The following TLE4 variants were observed in gnomAD, a reference collection of about 807,000 sequenced individuals.
The protein encoded by TLE4 is transducin-like enhancer protein 4.
TLE4 carries 8 observed loss-of-function variants against 92.8 expected under a neutral mutation model. That is an observed-to-expected ratio of 0.09 (90% CI 0.05 to 0.16). TLE4 has a LOEUF of 0.16. Among genes scored for constraint, TLE4 ranks in the 10% least tolerant of loss-of-function variants. The pLI, the probability that TLE4 is intolerant of heterozygous loss-of-function variation, is 1.00. For synonymous variants in TLE4, 371 were observed against 374.1 expected (o/e 0.99, Z 0.10); for missense variants, 675 against 997.6 (o/e 0.68, Z 4.36).
At chr9:79,600,615 G>A (rs1000201479) in intron 4 of TLE4, among the ~76,000 whole-genome samples, 3 of 152,210 alleles carry the variant, frequency 2.0e-5, no homozygotes, top group Admixed American at 2.0e-4. Flanking sequence ...GAATCCGTAT[G>A]TGGAATCCCA....
rs1213527102 is a variant in TLE4, at chr9:79,572,660, G to C, written c.-131G>C. On this transcript the variant is annotated 5_prime_UTR_variant, in exon 1 of 20. Transcript: ENST00000376552. ...CCCGTGTCACGCGAGACCCGGCGGG[G>C]GCCGGGACCGCCCGAGCCGCCCCTC... 1.3e-6 allele frequency: 1 copy of C among 755,902 alleles called. No individual in the cohort carries two copies. The highest frequency in any genetic ancestry group is 2.0e-5 in the South Asian group (1 of 49,822). The allele number at this position is 755,902 out of a possible 1,614,324, so 46.8% of individuals were successfully genotyped here. A position where few individuals can be genotyped will look rare whatever the true frequency, so the allele number is the denominator to read the frequency against.
At position 79,612,681 on chromosome 9, in the gene TLE4, C is replaced by G. The variant is rs772338376; in HGVS notation, c.278C>G (p.Ala93Gly). 2 of 1,613,060 alleles carry G rather than the reference C, an allele frequency of 1.2e-6. No individual in the cohort carries two copies. Among genetic ancestry groups the G allele is most frequent in the Non-Finnish European group, 1.7e-6 (2 of 1,179,404 alleles). ...GCAGAGATTGTCAAGAGGCTGAATG[C>G]TATCTGTGCACAAGTCATTCCTTTC... ...KQAEIVKRLNAICAQVIPFLS... is the reference protein window; with the variant it reads ...KQAEIVKRLNGICAQVIPFLS... The change falls in exon 5 of 20, where the codon GCT (alanine) becomes GGT (glycine). Residue 93 changes from alanine (A) to glycine (G), a missense_variant. Around this residue, in one of 5 missense-constraint regions of TLE4, gnomAD observed 68 missense variants for 141.2 expected, o/e 0.48. Coordinates refer to ENST00000376552, the MANE Select transcript of TLE4 (RefSeq NM_007005.6).
chr9:79,700,994 A>G (rs1449252011), intron 8 of TLE4, among the ~76,000 whole-genome samples: 2 of 152,194 alleles, frequency 1.3e-5, no homozygotes, highest in Non-Finnish European at 2.9e-5. Context: ...TTGAGCTTTT[A>G]AAATAATAAT....
chr9:79,706,338 C>T (rs140540031), intron 10 of TLE4, among the ~76,000 whole-genome samples: 200 of 152,040 alleles, frequency 1.3e-3, no homozygotes, highest in Admixed American at 2.6e-3. Context: ...TCTAAAGGGA[C>T]CCACTTTTTA....
At chr9:79,708,363 A>C in intron 12 of TLE4, 113 bp downstream of exon 12, 1 of 1,313,774 alleles carries the variant, frequency 7.6e-7, no homozygotes, top group Non-Finnish European at 1.0e-6. Flanking sequence ...AATGGCTGTT[A>C]GACAAAGTTA....
chr9:79,665,012 G>T (rs996851214), intron 8 of TLE4, among the ~76,000 whole-genome samples: 2 of 152,094 alleles, frequency 1.3e-5, no homozygotes, highest in Non-Finnish European at 2.9e-5. Context: ...TTGTTAGGGT[G>T]AAAATTTCCT....
At chr9:79,710,960 G>A (rs1162495742) in intron 14 of TLE4, among the ~76,000 whole-genome samples, 1 of 152,038 alleles carries the variant, frequency 6.6e-6, no homozygotes, top group African/African-American at 2.4e-5. Context: ...CTTTCTTCTC[G>A]GACCTCCCAT....
chr9:79,698,673 C>T (rs1275512917), intron 8 of TLE4, among the ~76,000 whole-genome samples: 1 of 151,988 alleles, frequency 6.6e-6, no homozygotes, highest in Non-Finnish European at 1.5e-5. Flanking sequence ...AAACTGACAC[C>T]AGTGACTGGC....
At chr9:79,605,947 A>G (rs901692675) in intron 4 of TLE4, among the ~76,000 whole-genome samples, 1 of 152,060 alleles carries the variant, frequency 6.6e-6, no homozygotes, top group Non-Finnish European at 1.5e-5. Context: ...GAAGGGAGGT[A>G]TGGGGGTTGT....
chr9:79,684,470 AAT>A, intron 8 of TLE4, among the ~76,000 whole-genome samples: 1 of 39,336 alleles, frequency 2.5e-5, no homozygotes, highest in South Asian at 2.1e-3. Flanking sequence ...TGAACTGTGC[AAT>A]GCAGGGATCT....
At chr9:79,665,167 T>A (rs191667426) in intron 8 of TLE4, among the ~76,000 whole-genome samples, 79 of 152,326 alleles carry the variant, frequency 5.2e-4, no homozygotes, top group Admixed American at 1.5e-3. Context: ...GCTGAGAGAT[T>A]TTTCTGATTT....
rs1394894137 is a variant in TLE4 at position 79,685,974 on chromosome 9, GA to G, written c.610-18801del. 2.7e-5 allele frequency among the ~76,000 whole-genome samples: 4 copies of G among 150,824 alleles called. No homozygotes were observed. In the East Asian group the frequency reaches 7.8e-4, roughly 29 times the overall value. On this transcript the variant is annotated intron_variant, in intron 8 of 19. Coordinates refer to ENST00000376552, the MANE Select transcript of TLE4 (RefSeq NM_007005.6). ...ACTAACCACAGATTGAAAGTATTTG[GA>G]AAAAAAATACAATAAAAAGTTCAAA...
chr9:79,654,213 T>C, intron 8 of TLE4, 138 bp downstream of exon 8: 1 of 859,110 alleles, frequency 1.2e-6, no homozygotes, highest in Non-Finnish European at 1.8e-6. Context: ...TTAAAATTAC[T>C]TTCAGGTGTG....
chr9:79,662,325 G>A (rs1328650622), intron 8 of TLE4, among the ~76,000 whole-genome samples: 1 of 152,138 alleles, frequency 6.6e-6, no homozygotes, highest in Non-Finnish European at 1.5e-5. Flanking sequence ...AAGAGGGCTG[G>A]GAGAGGGGAG....
chr9:79,710,426 T>G (rs573440697), intron 14 of TLE4, among the ~76,000 whole-genome samples: 4 of 152,332 alleles, frequency 2.6e-5, no homozygotes, highest in African/African-American at 9.6e-5. Context: ...CCCCCGCAGA[T>G]CCTCCTTGCC....
chr9:79,627,655 T>C, intron 6 of TLE4: 1 of 592,070 alleles, frequency 1.7e-6, no homozygotes, highest in Non-Finnish European at 3.0e-6. Context: ...AGTGGATGTG[T>C]TCATGAAAAC....
chr9:79,648,417 C>T (rs1260505749), intron 6 of TLE4, among the ~76,000 whole-genome samples: 1 of 152,006 alleles, frequency 6.6e-6, no homozygotes, highest in East Asian at 1.9e-4. Context: ...ATACAGGGAG[C>T]CCTATAAGAT....
chr9:79,702,625 G>A (rs1444781280), intron 8 of TLE4, among the ~76,000 whole-genome samples: 2 of 152,192 alleles, frequency 1.3e-5, no homozygotes, highest in African/African-American at 4.8e-5. Flanking sequence ...AATAATGCCT[G>A]CAGTCTTTTC....
intron 1 of TLE4, among the ~76,000 whole-genome samples, chr9:79,573,074 C>T (rs1400397255): frequency 1.3e-5 from 2 of 152,052 alleles, no homozygotes; most frequent in African/African-American, 2.4e-5. Context: ...TTTGAAGCCC[C>T]TGGAAGCCGC....
Sources: gnomAD v4.1 joint callset for allele counts (sites outside exome capture counted in the v4.1 genomes callset) on GRCh38, gnomAD v4.1.1 for gene constraint, gnomAD v4.1.1 regional missense constraint, MANE v1.5 for transcripts, NCBI Gene and HGNC (gene_info 2026-07-23, HGNC 2026-07-21) for gene names.